The following CNTNAP2 variants were observed in gnomAD, a reference collection of about 807,000 sequenced individuals.
CNTNAP2 encodes the protein contactin-associated protein-like 2.
CNTNAP2 carries 98 observed loss-of-function variants against 155.2 expected under a neutral mutation model. That is an observed-to-expected ratio of 0.63 (90% CI 0.54 to 0.75). CNTNAP2 has a LOEUF of 0.75. Ranked by LOEUF, CNTNAP2 falls within the 30% of genes least tolerant of loss-of-function variation. CNTNAP2 has a pLI of 0.00. For synonymous variants in CNTNAP2, 651 were observed against 631.2 expected (o/e 1.03, Z -0.47); for missense variants, 1,727 against 1,688.1 (o/e 1.02, Z -0.40).
intron 4 of CNTNAP2, among the ~76,000 whole-genome samples, chr7:147,070,662 T>C (rs776906867): frequency 7.9e-5 from 12 of 152,198 alleles, no homozygotes; most frequent in Non-Finnish European, 1.8e-4. Context: ...AAGAGTCATA[T>C]AGCCTTGCCA....
intron 3 of CNTNAP2, among the ~76,000 whole-genome samples, chr7:147,035,773 C>T (rs890872188): frequency 3.3e-5 from 5 of 151,942 alleles, no homozygotes; most frequent in African/African-American, 9.7e-5. Flanking sequence ...TGTTAGGTCT[C>T]CTAAAAAGTG....
chr7:146,859,383 G>A (rs1202938051), intron 3 of CNTNAP2, among the ~76,000 whole-genome samples: 2 of 152,086 alleles, frequency 1.3e-5, no homozygotes, highest in African/African-American at 4.8e-5. Flanking sequence ...CTTGTTGGGT[G>A]CAGTGGCTCA....
chr7:147,612,751 T>A (rs1353355737), intron 12 of CNTNAP2, among the ~76,000 whole-genome samples: 2 of 152,172 alleles, frequency 1.3e-5, no homozygotes, highest in Non-Finnish European at 2.9e-5. Context: ...TCTTAGAATA[T>A]TTTATTGATA....
At chr7:147,665,986 A>G (rs1314165996) in intron 13 of CNTNAP2, among the ~76,000 whole-genome samples, 2 of 152,188 alleles carry the variant, frequency 1.3e-5, no homozygotes, top group Non-Finnish European at 2.9e-5. Context: ...TCAGCACTTA[A>G]TAGTGTATCT....
intron 1 of CNTNAP2, among the ~76,000 whole-genome samples, chr7:146,358,060 A>C (rs1795026794): frequency 6.7e-6 from 1 of 149,756 alleles, no homozygotes; most frequent in Non-Finnish European, 1.5e-5. Flanking sequence ...TTTGAGATGG[A>C]GCCTCGCTCG....
chr7:148,030,102 T>A (rs2373314), intron 15 of CNTNAP2, among the ~76,000 whole-genome samples: 3 of 152,008 alleles, frequency 2.0e-5, no homozygotes, highest in Admixed American at 2.0e-4. Flanking sequence ...TCTAGTCTAG[T>A]TGTTGTATCT....
At chr7:147,056,348 T>C (rs1363540423) in intron 4 of CNTNAP2, among the ~76,000 whole-genome samples, 1 of 152,178 alleles carries the variant, frequency 6.6e-6, no homozygotes, top group Non-Finnish European at 1.5e-5. Flanking sequence ...CTTCCTAAAC[T>C]TTGAAGTGCA....
rs1802193595 is a variant in CNTNAP2, at chr7:146,766,312, C to T, written c.98-7959C>T. Among the ~76,000 whole-genome samples the T allele has an allele frequency of 2.6e-5, 4 of 152,034 alleles. No homozygotes were observed. In the South Asian group the frequency reaches 8.3e-4, roughly 32 times the overall value. On this transcript the variant is annotated intron_variant, in intron 1 of 23. Coordinates refer to ENST00000361727, the MANE Select transcript of CNTNAP2 (RefSeq NM_014141.6). ...AACATCTATTTAAAACTGCAGAAAC[C>T]TCTTTCAGTTAAAAGATGTGGGTCT...
intron 21 of CNTNAP2, among the ~76,000 whole-genome samples, chr7:148,351,744 C>CAAAAAAAAAAAAAAAAAAAAAAAAACA (rs71188974): frequency 1.2e-5 from 1 of 85,396 alleles, no homozygotes; most frequent in Non-Finnish European, 2.1e-5. Context: ...CTCTGTCTCA[C>CAAAAAAAAAAAAAAAAAAAAAAAAACA]AAAAAAAAAA....
intron 4 of CNTNAP2, among the ~76,000 whole-genome samples, chr7:147,086,556 C>G (rs902043040): frequency 1.3e-5 from 2 of 152,044 alleles, no homozygotes; most frequent in Non-Finnish European, 2.9e-5. Context: ...CCACCTCAGC[C>G]TCCTAAGTAG....
At chr7:147,992,498 C>A (rs1373619336) in intron 15 of CNTNAP2, among the ~76,000 whole-genome samples, 2 of 152,154 alleles carry the variant, frequency 1.3e-5, no homozygotes, top group African/African-American at 4.8e-5. Flanking sequence ...TGGCATTTAC[C>A]TACTGGCATA....
At chr7:147,258,466 T>A (rs999072638) in intron 8 of CNTNAP2, among the ~76,000 whole-genome samples, 1 of 152,126 alleles carries the variant, frequency 6.6e-6, no homozygotes, top group African/African-American at 2.4e-5. Flanking sequence ...GTCCTTAGAT[T>A]TTTTCCTTCA....
intron 15 of CNTNAP2, among the ~76,000 whole-genome samples, chr7:148,016,913 C>T (rs1484033575): frequency 6.6e-6 from 1 of 152,138 alleles, no homozygotes; most frequent in Non-Finnish European, 1.5e-5. Flanking sequence ...CTAATAGATG[C>T]TATGGATAGA....
At chr7:146,790,791 A>G (rs543416572) in intron 2 of CNTNAP2, among the ~76,000 whole-genome samples, 9 of 151,406 alleles carry the variant, frequency 5.9e-5, no homozygotes, top group African/African-American at 9.7e-5. Context: ...GGATGGTCTC[A>G]ATCTCCTGAC....
intron 13 of CNTNAP2, among the ~76,000 whole-genome samples, chr7:147,816,989 A>G (rs776736373): frequency 1.4e-4 from 22 of 152,212 alleles, no homozygotes; most frequent in Non-Finnish European, 2.8e-4. Flanking sequence ...TTCTGTCAAA[A>G]GTTGAACCTA....
At chr7:148,261,104 T>C (rs1796551938) in intron 20 of CNTNAP2, among the ~76,000 whole-genome samples, 1 of 152,180 alleles carries the variant, frequency 6.6e-6, no homozygotes, top group African/African-American at 2.4e-5. Context: ...CATATGAAAG[T>C]TTCATCTCCT....
chr7:148,390,193 T>TCTC (rs1384809600), intron 22 of CNTNAP2, among the ~76,000 whole-genome samples: 1 of 152,184 alleles, frequency 6.6e-6, no homozygotes, highest in East Asian at 1.9e-4. Flanking sequence ...GAGACCAGGC[T>TCTC]CTCCGGCCAT....
At position 146,734,807 on chromosome 7, in the gene CNTNAP2, C is replaced by T. The variant is rs147231917; in HGVS notation, c.98-39464C>T. 3.2e-3 allele frequency among the ~76,000 whole-genome samples: 494 copies of T among 152,268 alleles called. 4 individuals are homozygous for T. The highest frequency in any genetic ancestry group is 0.011 in the African/African-American group (465 of 41,532). On this transcript the variant is annotated intron_variant, in intron 1 of 23. Transcript: ENST00000361727. ...TGCTAAAATATGCATAATATCCTCT[C>T]CTCAAGGAATCTCGATGTGTTTTCC...
chr7:147,917,172 G>T (rs1156420406), intron 14 of CNTNAP2, among the ~76,000 whole-genome samples: 1 of 152,158 alleles, frequency 6.6e-6, no homozygotes, highest in Non-Finnish European at 1.5e-5. Flanking sequence ...AGAATCACCT[G>T]GAAAACTTAA....
Sources: allele counts gnomAD v4.1 joint callset (sites outside exome capture counted in the v4.1 genomes callset), GRCh38; gene constraint gnomAD v4.1.1; transcripts MANE v1.5; gene names NCBI Gene and HGNC (gene_info 2026-07-23, HGNC 2026-07-21).